RIMKLB: variants seen among roughly 807,000 people sequenced by gnomAD.
RIMKLB encodes the protein beta-citrylglutamate synthase B.
A neutral mutation model predicts 32.0 loss-of-function variants in RIMKLB; 7 were observed. The ratio of observed to expected loss-of-function variants is 0.22; its 90% confidence interval spans 0.12 to 0.41. RIMKLB has a LOEUF of 0.41. Among genes scored for constraint, RIMKLB ranks in the 10% least tolerant of loss-of-function variants. RIMKLB has a pLI of 1.00. For synonymous variants in RIMKLB, 172 were observed against 185.1 expected (o/e 0.93, Z 0.57); for missense variants, 289 against 498.7 (o/e 0.58, Z 4.00).
chr12:8,695,535 A>C (rs1591609513), upstream of RIMKLB, among the ~76,000 whole-genome samples: 1 of 151,908 alleles, frequency 6.6e-6, no homozygotes, highest in East Asian at 1.9e-4. Context: ...CAATATCATG[A>C]TAATGGTAAT....
chr12:8,683,526 A>G (rs1428783047), intron 1 of RIMKLB, among the ~76,000 whole-genome samples: 1 of 152,140 alleles, frequency 6.6e-6, no homozygotes, highest in Non-Finnish European at 1.5e-5. Flanking sequence ...GCACCTTTCC[A>G]TATGCCCATT....
chr12:8,763,372 C>T (rs756820452), intron 5 of RIMKLB, among the ~76,000 whole-genome samples: 4 of 152,174 alleles, frequency 2.6e-5, no homozygotes, highest in Non-Finnish European at 5.9e-5. Flanking sequence ...CCTGGAAAGC[C>T]GCTTTTGCTT....
At chr12:8,750,905 A>G (rs1948570388) in intron 3 of RIMKLB, among the ~76,000 whole-genome samples, 1 of 152,154 alleles carries the variant, frequency 6.6e-6, no homozygotes, top group African/African-American at 2.4e-5. Flanking sequence ...CCATAAAGGT[A>G]TTTCTCCAAA....
intron 2 of RIMKLB, among the ~76,000 whole-genome samples, chr12:8,738,986 T>C (rs1420207326): frequency 6.6e-6 from 1 of 152,206 alleles, no homozygotes; most frequent in Admixed American, 6.5e-5. Context: ...TTTGTCACAT[T>C]TGAGGTTAAC....
At chr12:8,697,574 G>A (rs1942945876), upstream of RIMKLB, 1 of 165,060 alleles carries the variant, frequency 6.1e-6, no homozygotes, top group African/African-American at 2.4e-5. Flanking sequence ...GCGGTTTCGA[G>A]TTGGGAGCAA....
intron 1 of RIMKLB, among the ~76,000 whole-genome samples, chr12:8,705,325 A>G (rs1014408542): frequency 6.6e-6 from 1 of 151,976 alleles, no homozygotes; most frequent in African/African-American, 2.4e-5. Context: ...AAAAATACAA[A>G]AATTAGCCGG....
At position 8,765,986 on chromosome 12, in the gene RIMKLB, C is replaced by T. The variant is rs918237509; in HGVS notation, c.698-7335C>T. Reference sequence around the variant, plus strand: ...GGTTTCTCCCCCTTGATGAGGATATCGTGGCCAGGCAGTACTGCAGAAGAA... The same window carrying T: ...GGTTTCTCCCCCTTGATGAGGATATTGTGGCCAGGCAGTACTGCAGAAGAA... On this transcript the variant is annotated intron_variant, in intron 5 of 5. Transcript: ENST00000535829. 9.9e-5 allele frequency among the ~76,000 whole-genome samples: 15 copies of T among 152,076 alleles called. No homozygotes were observed. In the East Asian group the frequency reaches 1.9e-3, roughly 20 times the overall value.
intron 5 of RIMKLB, among the ~76,000 whole-genome samples, chr12:8,757,501 A>G (rs997131059): frequency 6.7e-6 from 1 of 149,974 alleles, no homozygotes; most frequent in Non-Finnish European, 1.5e-5. Context: ...TTGTTTTGAG[A>G]TCATTGAGGC....
the RIMKLB span, among the ~76,000 whole-genome samples, chr12:8,670,791 C>T: frequency 8.7e-4 from 133 of 152,384 alleles, 1 homozygote; most frequent in African/African-American, 3.1e-3. Context: ...GGCAGAGGTT[C>T]TGCATGAGGG....
the RIMKLB span, among the ~76,000 whole-genome samples, chr12:8,675,325 T>C: frequency 6.6e-6 from 1 of 152,224 alleles, no homozygotes; most frequent in Non-Finnish European, 1.5e-5. Context: ...AATATCACAG[T>C]CCTTGTCTTC....
intron 2 of RIMKLB, among the ~76,000 whole-genome samples, chr12:8,749,192 G>A (rs1014241030): frequency 6.6e-6 from 1 of 151,732 alleles, no homozygotes; most frequent in Non-Finnish European, 1.5e-5. Flanking sequence ...TTCAGAGGAA[G>A]CCAGTTTAAA....
intron 1 of RIMKLB, among the ~76,000 whole-genome samples, chr12:8,685,375 G>A (rs1565537562): frequency 6.6e-6 from 1 of 152,082 alleles, no homozygotes; most frequent in Non-Finnish European, 1.5e-5. Context: ...AGGTTTCTTT[G>A]TTGTTTTGTT....
chr12:8,725,723 G>A (rs1172788030), intron 2 of RIMKLB, among the ~76,000 whole-genome samples: 2 of 152,184 alleles, frequency 1.3e-5, no homozygotes, highest in African/African-American at 2.4e-5. Context: ...AGGTATGTGT[G>A]GGCATAAATT....
rs540143406 is a variant in RIMKLB, at chr12:8,724,303, AT to A, written c.175+10270del. 2.3e-4 allele frequency among the ~76,000 whole-genome samples: 35 copies of A among 151,532 alleles called. No homozygotes were observed. In the South Asian group the frequency reaches 7.3e-3, roughly 31 times the overall value. ...GTTGAACATCTCATTTGATTCATTG[AT>A]TTTTTTTCTTCCTGATCTTGTTTAT... On this transcript the variant is annotated intron_variant, in intron 2 of 5. Transcript: ENST00000535829.
chr12:8,707,243 C>T (rs957069062), intron 1 of RIMKLB, among the ~76,000 whole-genome samples: 18 of 152,184 alleles, frequency 1.2e-4, no homozygotes, highest in African/African-American at 3.1e-4. Flanking sequence ...CCATGCCCCC[C>T]ACCAGTACAG....
intron 2 of RIMKLB, among the ~76,000 whole-genome samples, chr12:8,725,387 C>T (rs1945882733): frequency 6.6e-6 from 1 of 152,154 alleles, no homozygotes; most frequent in Non-Finnish European, 1.5e-5. Context: ...CAGCGATTCT[C>T]CTGACTCAGC....
At chr12:8,673,481 G>A in the RIMKLB span, among the ~76,000 whole-genome samples, 13 of 152,216 alleles carry the variant, frequency 8.5e-5, no homozygotes, top group Admixed American at 3.3e-4. Flanking sequence ...GCTGGGCTGC[G>A]GGGATGGCTG....
intron 5 of RIMKLB, among the ~76,000 whole-genome samples, chr12:8,758,314 T>G (rs1949233764): frequency 6.6e-6 from 1 of 151,934 alleles, no homozygotes; most frequent in South Asian, 2.1e-4. Context: ...CGAGGTGAAG[T>G]CTTGCTATGT....
At chr12:8,671,026 C>T in the RIMKLB span, among the ~76,000 whole-genome samples, 1 of 152,182 alleles carries the variant, frequency 6.6e-6, no homozygotes, top group African/African-American at 2.4e-5. Context: ...ACACAGGTCA[C>T]CAAGTCCCTA....
Sources: allele counts gnomAD v4.1 joint callset (sites outside exome capture counted in the v4.1 genomes callset), GRCh38; gene constraint gnomAD v4.1.1; transcripts MANE v1.5; gene names NCBI Gene and HGNC (gene_info 2026-07-23, HGNC 2026-07-21).